The following AKTIP variants were observed in gnomAD, a reference collection of about 807,000 sequenced individuals.
The protein encoded by AKTIP is AKT interacting protein.
Under a neutral mutation model 39.1 loss-of-function variants are expected in AKTIP, and 16 were observed. The ratio of observed to expected loss-of-function variants is 0.41; its 90% CI spans 0.28 to 0.62. AKTIP has a LOEUF of 0.62. Among genes scored for constraint, AKTIP ranks in the 20% least tolerant of loss-of-function variants. The pLI is 0.32. For synonymous variants in AKTIP, 93 were observed against 124.3 expected (o/e 0.75, Z 1.67); for missense variants, 262 against 356.6 (o/e 0.73, Z 2.14).
At position 53,498,614 on chromosome 16, in the gene AKTIP, G is replaced by A; in HGVS notation, c.43-18C>T. ...TCAGATCGCTATACAAGATGAAGTT[G>A]TAAGAATATCTGTTAGGATGATTCT... On this transcript the variant is annotated intron_variant, in intron 2 of 9. Coordinates refer to ENST00000394657, the MANE Select transcript of AKTIP (RefSeq NM_022476.4). 5 of 1,609,488 alleles carry A rather than the reference G, an allele frequency of 3.1e-6. No individual in the cohort carries two copies. Among genetic ancestry groups the A allele is most frequent in the Non-Finnish European group, 4.3e-6 (5 of 1,175,720 alleles).
At chr16:53,495,689 C>T (rs975360411) in intron 3 of AKTIP, among the ~76,000 whole-genome samples, 6 of 152,172 alleles carry the variant, frequency 3.9e-5, no homozygotes, top group African/African-American at 1.2e-4. Flanking sequence ...AATAATGCAA[C>T]CTGAGGTAAG....
Position 53,492,691 on chromosome 16 carries a change from A to G in AKTIP, c.771+2T>C. The G allele has an allele frequency of 6.2e-7, 1 of 1,613,962 alleles. No homozygotes were observed. The highest frequency in any genetic ancestry group is 8.5e-7 in the Non-Finnish European group (1 of 1,179,812). Reference sequence around the variant, plus strand: ...CCATTTCATAAGTTGTTATCCACTTACTTTCTGAGTCAGCATCTTTTCTCT... The same window carrying G: ...CCATTTCATAAGTTGTTATCCACTTGCTTTCTGAGTCAGCATCTTTTCTCT... On this transcript the variant is annotated splice_donor_variant, in intron 9 of 9. Transcript: ENST00000394657. LOFTEE classifies it high-confidence loss of function.
chr16:53,502,528 G>A (rs1962230553), intron 1 of AKTIP, among the ~76,000 whole-genome samples: 1 of 152,072 alleles, frequency 6.6e-6, no homozygotes, highest in African/African-American at 2.4e-5. Context: ...ACCCCGAATC[G>A]GACTTAAGAA....
Position 53,494,177 on chromosome 16 carries a change from A to G in AKTIP, c.671T>C (p.Leu224Ser), listed in dbSNP as rs749069548. The stretch of plus-strand genomic sequence containing the variant: ...GTCTTCTATTTTAGGTTGGTCAAAC[A>G]AACGAGCAGTGCACACCTTAACACT... Reference protein sequence around the residue: ...VDSVKVCTARLFDQPKIEDPY... With the variant: ...VDSVKVCTARSFDQPKIEDPY... The change falls in exon 8 of 10, where the codon TTG becomes TCG. Residue 224 changes from leucine (L) to serine (S), a missense_variant. Transcript: ENST00000394657. 1 of 1,614,246 alleles carries G rather than the reference A, an allele frequency of 6.2e-7. No homozygotes were observed. The highest frequency in any genetic ancestry group is 8.5e-7 in the Non-Finnish European group (1 of 1,180,040).
chr16:53,497,867 G>A (rs540841600), intron 3 of AKTIP, among the ~76,000 whole-genome samples: 574 of 152,344 alleles, frequency 3.8e-3, no homozygotes, highest in Middle Eastern at 6.8e-3. Context: ...CTCTGCCTCA[G>A]CCTCCCGAGT....
At chr16:53,492,930 T>A (rs1458062681) in intron 8 of AKTIP, 177 bp from the exon 9 acceptor site, 2 of 596,952 alleles carry the variant, frequency 3.4e-6, no homozygotes, top group Admixed American at 5.9e-5. Context: ...CTATCCCTCA[T>A]ACATGAATGA....
In AKTIP at chr16:53,495,399, C is replaced by T. The variant is rs768272853; in HGVS notation, c.249-73G>A. Reference sequence around the variant, plus strand: ...TGCAGATCAAACCACCCCACATTCACTTTGAGACAATGAACGGCCCCTCAA... The same window carrying T: ...TGCAGATCAAACCACCCCACATTCATTTTGAGACAATGAACGGCCCCTCAA... On this transcript the variant is annotated intron_variant, in intron 3 of 9. Coordinates refer to ENST00000394657, the MANE Select transcript of AKTIP (RefSeq NM_022476.4). 3 of 1,454,444 alleles carry T rather than the reference C, an allele frequency of 2.1e-6. No homozygotes were observed. In the Admixed American group the frequency reaches 5.2e-5, roughly 25 times the overall value. 90.1% of individuals were successfully genotyped at this position (1,454,444 alleles called of 1,614,324 possible). A position where few individuals can be genotyped will look rare whatever the true frequency, so the allele number is the denominator to read the frequency against.
intron 9 of AKTIP, 58 bp from the exon 10 acceptor site, chr16:53,492,577 C>G: frequency 1.9e-6 from 3 of 1,602,194 alleles, no homozygotes; most frequent in Non-Finnish European, 2.6e-6. Context: ...GATTTCAGCA[C>G]TGTACAAACT....
At chr16:53,496,302 A>G (rs1961828559) in intron 3 of AKTIP, among the ~76,000 whole-genome samples, 1 of 152,126 alleles carries the variant, frequency 6.6e-6, no homozygotes, top group Non-Finnish European at 1.5e-5. Flanking sequence ...AGGCAGTTCT[A>G]ATACAGATTT....
intron 3 of AKTIP, 34 bp downstream of exon 3, chr16:53,498,357 C>T (rs1159844379): frequency 6.2e-7 from 1 of 1,603,646 alleles, no homozygotes; most frequent in Non-Finnish European, 8.5e-7. Flanking sequence ...AAGGATCATT[C>T]CTAATTTAAC....
intron 2 of AKTIP, among the ~76,000 whole-genome samples, chr16:53,499,277 T>C (rs1431422326): frequency 1.3e-5 from 2 of 152,204 alleles, no homozygotes; most frequent in Admixed American, 6.5e-5. Flanking sequence ...GTATATCATA[T>C]GCATTGCTCC....
In AKTIP at chr16:53,496,328, C is replaced by T. The variant is rs559747207; in HGVS notation, c.249-1002G>A. On this transcript the variant is annotated intron_variant, in intron 3 of 9. Coordinates refer to ENST00000394657, the MANE Select transcript of AKTIP (RefSeq NM_022476.4). ...ATACAGATTTAATCACCCCAATAGA[C>T]GCCTGTCCAACTCACTGCCCAGCCT... Among the ~76,000 whole-genome samples the T allele has an allele frequency of 5.9e-5, 9 of 152,174 alleles. No homozygotes were observed. In the East Asian group the frequency reaches 1.2e-3, roughly 20 times the overall value.
intron 8 of AKTIP, 41 bp downstream of exon 8, chr16:53,494,096 GA>G (rs1961674093): frequency 6.9e-7 from 1 of 1,439,084 alleles, no homozygotes; most frequent in Non-Finnish European, 9.8e-7. Context: ...CAGTGTATTG[GA>G]AAGGACAGTG....
At chr16:53,496,614 C>G (rs921755667) in intron 3 of AKTIP, among the ~76,000 whole-genome samples, 7 of 150,700 alleles carry the variant, frequency 4.6e-5, no homozygotes, top group Non-Finnish European at 1.0e-4. Flanking sequence ...AGGCAGATCA[C>G]TTGAGGTCAG....
rs11075977 is a variant in AKTIP at position 53,492,790 on chromosome 16, G to A, written c.711-37C>T. ...GAAAAGTATTTAAAAACTATTTGTT[G>A]GCTCACTAAATTTCTATAACATTCA... is the stretch of plus-strand genomic sequence containing the variant. On this transcript the variant is annotated intron_variant, in intron 8 of 9. Transcript: ENST00000394657. 1.5e-3 allele frequency: 2,385 copies of A among 1,585,062 alleles called. 42 individuals are homozygous for A. The African/African-American group carries it at 0.028, about 19-fold the overall frequency.
At chr16:53,500,195 C>A in intron 2 of AKTIP, 23 bp downstream of exon 2, 1 of 1,576,344 alleles carries the variant, frequency 6.3e-7, no homozygotes, top group Non-Finnish European at 8.7e-7. Flanking sequence ...GGTTTTCTTA[C>A]TGAATTTATC....
chr16:53,498,435 C>T lies in AKTIP; in HGVS notation c.204G>A (p.Ala68=), dbSNP rs754564038. 3.8e-5 allele frequency: 62 copies of T among 1,613,794 alleles called. 1 individual carries two copies. In the East Asian group the frequency reaches 7.4e-4, roughly 19 times the overall value. ...ATTCCAGGTAGAAGGGTCCATAGGA[C>T]GCATGCGTGCCATTTGTTGACTGTG... The part of the protein sequence containing the change: ...PAAQSTNGTH[A]SYGPFYLEYS... The change falls in exon 3 of 10, where the codon GCG becomes GCA. Residue 68 remains alanine (A), a synonymous_variant. Transcript: ENST00000394657.
chr16:53,498,442 G>A lies in AKTIP; in HGVS notation c.197C>T (p.Thr66Met), dbSNP rs771641760. Residue 66 changes from threonine to methionine, a missense_variant, in exon 3 of 10, where the codon ACG becomes ATG. Thr to Met is a moderately conservative substitution (Grantham distance 81). Around this residue, in one of 4 missense-constraint regions of AKTIP, gnomAD observed 88 missense variants for 132.1 expected, o/e 0.67. Coordinates refer to ENST00000394657, the MANE Select transcript of AKTIP (RefSeq NM_022476.4). ...GTAGAAGGGTCCATAGGACGCATGCGTGCCATTTGTTGACTGTGCTGCTGG... is the reference window on the plus strand; with the variant it reads ...GTAGAAGGGTCCATAGGACGCATGCATGCCATTTGTTGACTGTGCTGCTGG... ...PAPAAQSTNG[T>M]HASYGPFYLE... is the part of the protein sequence containing the mutation. 17 of 1,614,008 alleles carry A rather than the reference G, an allele frequency of 1.1e-5. No individual in the cohort carries two copies. Among genetic ancestry groups the A allele is most frequent in the South Asian group, 1.1e-5 (1 of 91,072 alleles).
At chr16:53,504,256 C>T (rs1802863634), upstream of AKTIP, 1 of 152,406 alleles carries the variant, frequency 6.6e-6, no homozygotes, top group South Asian at 2.1e-4. Context: ...TCTCGGCACT[C>T]CACTTCCACA....
Sources: allele counts gnomAD v4.1 joint callset (sites outside exome capture counted in the v4.1 genomes callset), GRCh38; gene constraint gnomAD v4.1.1; regional missense constraint gnomAD v4.1.1; transcripts MANE v1.5; gene names NCBI Gene and HGNC (gene_info 2026-07-23, HGNC 2026-07-21).